Variants in ADAMTS6 observed in about 807,000 individuals in gnomAD.
ADAMTS6 encodes the protein ADAM metallopeptidase with thrombospondin type 1 motif 6, also known as A disintegrin and metalloproteinase with thrombospondin motifs 6.
A neutral mutation model predicts 144.3 loss-of-function variants in ADAMTS6; 23 were observed. The observed-to-expected ratio is 0.16, with a 90% CI of 0.11 to 0.23. The LOEUF (loss-of-function observed/expected upper bound fraction) is 0.23. Among genes scored for constraint, ADAMTS6 ranks in the 10% least tolerant of loss-of-function variants. The pLI, the probability that ADAMTS6 is intolerant of heterozygous loss-of-function variation, is 1.00. For synonymous variants in ADAMTS6, 444 were observed against 457.5 expected, an observed-to-expected ratio of 0.97 and a Z score of 0.38; for missense variants, 999 against 1,379.6, an observed-to-expected ratio of 0.72 and a Z score of 4.37.
chr5:65,206,598 T>C (rs1328310080), intron 20 of ADAMTS6, among the ~76,000 whole-genome samples: 1 of 148,072 alleles, frequency 6.8e-6, no homozygotes, highest in East Asian at 2.0e-4. Flanking sequence ...TACTCGGGAG[T>C]CTGAGGCAGG....
chr5:65,273,563 G>C (rs1003314818), intron 11 of ADAMTS6, 116 bp from the exon 12 acceptor site: 12 of 749,484 alleles, frequency 1.6e-5, no homozygotes, highest in African/African-American at 5.1e-5. Context: ...ACCTTTTGCT[G>C]CTGAAGCATC....
chr5:65,451,635 G>A lies in ADAMTS6; in HGVS notation c.928-15C>T, dbSNP rs758342082. ...TCCAAGTTTGGCTGCAATACAACAT[G>A]CATACCAGAAATGTTCCAAACAAAT... On this transcript the variant is annotated splice_polypyrimidine_tract_variant and intron_variant, in intron 6 of 24. Transcript: ENST00000381055. The A allele has an allele frequency of 1.2e-6, 2 of 1,611,178 alleles. No individual in the cohort carries two copies.
At chr5:65,222,960 C>A (rs1041242166) in intron 18 of ADAMTS6, among the ~76,000 whole-genome samples, 19 of 151,330 alleles carry the variant, frequency 1.3e-4, no homozygotes, top group Non-Finnish European at 2.5e-4. Flanking sequence ...AGACTTATAT[C>A]CAGAATATAT....
intron 7 of ADAMTS6, among the ~76,000 whole-genome samples, chr5:65,384,176 G>A (rs1350198603): frequency 6.6e-6 from 1 of 152,122 alleles, no homozygotes; most frequent in Non-Finnish European, 1.5e-5. Context: ...CTTATCAAAC[G>A]TTTGATGGGC....
chr5:65,297,008 T>C (rs559470877), intron 10 of ADAMTS6: 6 of 289,392 alleles, frequency 2.1e-5, no homozygotes, highest in African/African-American at 6.7e-5. Flanking sequence ...AATTGGTCCA[T>C]AGTCATCAAT....
chr5:65,201,518 G>T (rs78673306), intron 20 of ADAMTS6, among the ~76,000 whole-genome samples: 6,162 of 152,176 alleles, frequency 0.04, 194 homozygotes, highest in Middle Eastern at 0.078. Flanking sequence ...AGGATGGGTC[G>T]GGGGTGGTTA....
chr5:65,329,901 T>C (rs1746552643), intron 8 of ADAMTS6, among the ~76,000 whole-genome samples: 1 of 152,092 alleles, frequency 6.6e-6, no homozygotes, highest in South Asian at 2.1e-4. Flanking sequence ...ACAAGCAACT[T>C]TCTAGTTACC....
intron 7 of ADAMTS6, among the ~76,000 whole-genome samples, chr5:65,418,510 T>A (rs1755739166): frequency 6.6e-6 from 1 of 152,168 alleles, no homozygotes; most frequent in Non-Finnish European, 1.5e-5. Flanking sequence ...TAGGCAGCTG[T>A]AGAACTTAAT....
At chr5:65,301,766 A>G (rs913149149) in intron 9 of ADAMTS6, among the ~76,000 whole-genome samples, 1 of 152,140 alleles carries the variant, frequency 6.6e-6, no homozygotes, top group East Asian at 1.9e-4. Flanking sequence ...TAAGTACAAT[A>G]TAAAAAGAGC....
At chr5:65,443,546 T>C (rs1311638356) in intron 7 of ADAMTS6, among the ~76,000 whole-genome samples, 1 of 139,846 alleles carries the variant, frequency 7.2e-6, no homozygotes, top group Non-Finnish European at 1.5e-5. Flanking sequence ...TGCTTGAGCC[T>C]GGGAGGCAGG....
rs150977706 is a variant in ADAMTS6, at chr5:65,343,776, A to G, written c.1074-9691T>C. On this transcript the variant is annotated intron_variant, in intron 7 of 24. Transcript: ENST00000381055. Reference sequence around the variant, plus strand: ...ACAATGCCAACCTACACAATGGGAGAAAATATTTGCAAACTGCTCATCTGA... The same window carrying G: ...ACAATGCCAACCTACACAATGGGAGGAAATATTTGCAAACTGCTCATCTGA... Among the ~76,000 whole-genome samples, 736 of 152,226 alleles carry G rather than the reference A, an allele frequency of 4.8e-3. 10 individuals carry two copies. Among genetic ancestry groups the G allele is most frequent in the African/African-American group, 0.016 (659 of 41,568 alleles).
intron 7 of ADAMTS6, among the ~76,000 whole-genome samples, chr5:65,334,680 G>A (rs1212959509): frequency 6.6e-6 from 1 of 152,046 alleles, no homozygotes; most frequent in Non-Finnish European, 1.5e-5. Flanking sequence ...TTTTACAACA[G>A]GCTAAATGAA....
intron 15 of ADAMTS6, among the ~76,000 whole-genome samples, chr5:65,228,675 C>T (rs1218966437): frequency 1.3e-5 from 2 of 152,192 alleles, no homozygotes; most frequent in South Asian, 4.1e-4. Context: ...CAAGGCAGCA[C>T]AGCTCAGTGA....
At chr5:65,241,588 A>G (rs899317352) in intron 15 of ADAMTS6, among the ~76,000 whole-genome samples, 1 of 152,162 alleles carries the variant, frequency 6.6e-6, no homozygotes, top group African/African-American at 2.4e-5. Context: ...AAATACTTCT[A>G]CTTATTGAAC....
intron 7 of ADAMTS6, among the ~76,000 whole-genome samples, chr5:65,390,396 T>C (rs893052422): frequency 1.3e-5 from 2 of 152,144 alleles, no homozygotes; most frequent in African/African-American, 4.8e-5. Flanking sequence ...CGTGAGCTGG[T>C]AAAAACTAGA....
At chr5:65,300,387 C>G (rs74760632) in intron 9 of ADAMTS6, among the ~76,000 whole-genome samples, 4 of 152,170 alleles carry the variant, frequency 2.6e-5, no homozygotes, top group Non-Finnish European at 5.9e-5. Context: ...TTCAATTTCT[C>G]TTTGAGCCGA....
At chr5:65,318,532 G>C (rs1276423521) in intron 9 of ADAMTS6, among the ~76,000 whole-genome samples, 1 of 152,170 alleles carries the variant, frequency 6.6e-6, no homozygotes, top group African/African-American at 2.4e-5. Flanking sequence ...ATACATAACA[G>C]AGTACTATTC....
intron 18 of ADAMTS6, among the ~76,000 whole-genome samples, chr5:65,217,297 A>G (rs1757001669): frequency 6.6e-6 from 1 of 152,112 alleles, no homozygotes; most frequent in Non-Finnish European, 1.5e-5. Flanking sequence ...TGAGACTGTC[A>G]TATATGAAAT....
rs573855700 is a variant in ADAMTS6 at position 65,154,891 on chromosome 5, A to G, written c.3245-2946T>C. Reference sequence around the variant, plus strand: ...TTACACATTTACGCATTTAAGCAAAATATCAGAAAGCTATTAAACAGAAAG... The same window carrying G: ...TTACACATTTACGCATTTAAGCAAAGTATCAGAAAGCTATTAAACAGAAAG... On this transcript the variant is annotated intron_variant, in intron 24 of 24. Transcript: ENST00000381055. Among the ~76,000 whole-genome samples the G allele has an allele frequency of 2.6e-5, 4 of 152,350 alleles. No individual in the cohort carries two copies. In the South Asian group the frequency reaches 8.3e-4, roughly 32 times the overall value.
Sources: gnomAD v4.1 joint callset for allele counts (sites outside exome capture counted in the v4.1 genomes callset) on GRCh38, gnomAD v4.1.1 for gene constraint, MANE v1.5 for transcripts, NCBI Gene and HGNC (gene_info 2026-07-23, HGNC 2026-07-21) for gene names.